MXD4: variants seen among roughly 807,000 people sequenced by gnomAD.
The protein encoded by MXD4 is MAX dimerization protein 4, also known as Mad4 homolog.
MXD4 carries 16 observed loss-of-function variants against 24.5 expected under a neutral mutation model. That is an observed-to-expected ratio of 0.65 (90% confidence interval 0.44 to 0.99). The LOEUF (loss-of-function observed/expected upper bound fraction) is 0.99. Ranked by LOEUF, MXD4 falls within the 50% of genes least tolerant of loss-of-function variation. The pLI, the probability that MXD4 is intolerant of heterozygous loss-of-function variation, is 0.00. For missense variants in MXD4, 301 were observed against 301.5 expected (o/e 1.00, Z 0.01); for synonymous variants, 164 against 134.2 (o/e 1.22, Z -1.54).
At position 2,251,166 on chromosome 4, in the gene MXD4, C is replaced by T. The variant is rs1378168291; in HGVS notation, c.390G>A (p.Leu130=). Residue 130 remains leucine, a synonymous_variant, in exon 5 of 6, where the codon CTG becomes CTA. Coordinates refer to ENST00000337190, the MANE Select transcript of MXD4 (RefSeq NM_006454.3). The stretch of plus-strand genomic sequence containing the variant: ...CCACGCTCTGCACCGACAGCTGCTC[C>T]AGGCGCCGCTTCAGGAAACGATGCT... The part of the protein sequence containing the change: ...QQEHRFLKRR[L]EQLSVQSVER... 6.2e-7 allele frequency: 1 copy of T among 1,601,428 alleles called. No homozygotes were observed. The highest frequency in any genetic ancestry group is 8.5e-7 in the Non-Finnish European group (1 of 1,173,838).
At chr4:2,261,315 G>T (rs1445213150) in intron 2 of MXD4, among the ~76,000 whole-genome samples, 1 of 152,164 alleles carries the variant, frequency 6.6e-6, no homozygotes, top group Non-Finnish European at 1.5e-5. Context: ...GGAGAGAAGG[G>T]GTTAGGGCCG....
chr4:2,250,689 T>TC lies in MXD4; in HGVS notation c.484dup (p.Glu162GlyfsTer9). ...CTCACCAGGGCCAAACTCCATGCCCTCTATGTCCACTTCTAGGGAGAATAG... is the reference window on the plus strand; with the variant it reads ...CTCACCAGGGCCAAACTCCATGCCCTCCTATGTCCACTTCTAGGGAGAATAG... On this transcript the variant is annotated frameshift_variant, in exon 6 of 6. Coordinates refer to ENST00000337190, the MANE Select transcript of MXD4 (RefSeq NM_006454.3). LOFTEE classifies it high-confidence loss of function. 6.2e-7 allele frequency: 1 copy of TC among 1,613,574 alleles called. No homozygotes were observed. The highest frequency in any genetic ancestry group is 8.5e-7 in the Non-Finnish European group (1 of 1,179,880).
chr4:2,255,519 C>A (rs1368986309), intron 3 of MXD4, among the ~76,000 whole-genome samples: 1 of 152,102 alleles, frequency 6.6e-6, no homozygotes, highest in African/African-American at 2.4e-5. Context: ...TGGCTGGTTG[C>A]GGGACCCCAG....
At chr4:2,250,962 G>T in intron 5 of MXD4, 122 bp downstream of exon 5, 1 of 1,283,228 alleles carries the variant, frequency 7.8e-7, no homozygotes, top group Non-Finnish European at 1.0e-6. Context: ...ACACCCCAGT[G>T]CAGCAGGGAG....
In MXD4 at chr4:2,250,451, G is replaced by T; in HGVS notation, c.*93C>A. On this transcript the variant is annotated 3_prime_UTR_variant, in exon 6 of 6. Coordinates refer to ENST00000337190, the MANE Select transcript of MXD4 (RefSeq NM_006454.3). ...AGCTTCCAGAATGGCACAGCAGTGGGCCTGTGGAGAGGCTGGCGTCAACTG... is the reference window on the plus strand; with the variant it reads ...AGCTTCCAGAATGGCACAGCAGTGGTCCTGTGGAGAGGCTGGCGTCAACTG... 1 of 1,389,978 alleles carries T rather than the reference G, an allele frequency of 7.2e-7. No individual in the cohort carries two copies. The highest frequency in any genetic ancestry group is 9.6e-7 in the Non-Finnish European group (1 of 1,045,428). The allele number at this position is 1,389,978 out of a possible 1,614,324, so 86.1% of individuals were successfully genotyped here.
intron 3 of MXD4, among the ~76,000 whole-genome samples, chr4:2,257,282 A>G (rs1163112504): frequency 6.6e-6 from 1 of 152,204 alleles, no homozygotes; most frequent in Non-Finnish European, 1.5e-5. Flanking sequence ...TTTCACAGAC[A>G]GGATCACAAG....
chr4:2,258,849 G>A, intron 2 of MXD4: 2 of 453,708 alleles, frequency 4.4e-6, no homozygotes, highest in South Asian at 1.6e-5. Context: ...CCCGGGCTCA[G>A]CTTCTCTGGG....
In MXD4 at chr4:2,261,997, G is replaced by C; in HGVS notation, c.-17C>G. 7.8e-7 allele frequency: 1 copy of C among 1,283,458 alleles called. No homozygotes were observed. Among genetic ancestry groups the C allele is most frequent in the Non-Finnish European group, 9.9e-7 (1 of 1,007,876 alleles). 79.5% of individuals were successfully genotyped at this position (1,283,458 alleles called of 1,614,324 possible). A position where few individuals can be genotyped will look rare whatever the true frequency, so the allele number is the denominator to read the frequency against. On this transcript the variant is annotated 5_prime_UTR_variant, in exon 1 of 6. Transcript: ENST00000337190. ...CAGCTCCATCCTCCCGCCCGCGCCC[G>C]TCCGCCCCGGGACGGCGGCGGCCGC... is the stretch of plus-strand genomic sequence containing the variant.
intron 2 of MXD4, chr4:2,260,722 G>A (rs976665625): frequency 1.3e-5 from 5 of 394,664 alleles, no homozygotes; most frequent in Non-Finnish European, 2.6e-5. Flanking sequence ...ACAGAAATGG[G>A]TCCCTACACC....
rs781748931 is a variant in MXD4 at position 2,251,129 on chromosome 4, T to C, written c.427A>G (p.Thr143Ala). The C allele has an allele frequency of 1.2e-6, 2 of 1,600,548 alleles. No homozygotes were observed. Among genetic ancestry groups the C allele is most frequent in the East Asian group, 4.5e-5 (2 of 44,206 alleles). ...GAGACAGCAGAGCCCGTGCTATCTGTGCGCACGCGCTCCACGCTCTGCACC... is the reference window on the plus strand; with the variant it reads ...GAGACAGCAGAGCCCGTGCTATCTGCGCGCACGCGCTCCACGCTCTGCACC... ...LSVQSVERVRTDSTGSAVSTD... is the reference protein window; with the variant it reads ...LSVQSVERVRADSTGSAVSTD... The change falls in exon 5 of 6, where the codon ACA becomes GCA. Residue 143 changes from threonine to alanine, a missense_variant. Thr to Ala is a moderately conservative substitution (Grantham distance 58). Coordinates refer to ENST00000337190, the MANE Select transcript of MXD4 (RefSeq NM_006454.3).
rs972197804 is a variant in MXD4 at position 2,248,949 on chromosome 4, G to A, written c.*1595C>T. ...CCAGCGAGCACAGTCTTCATTGGCT[G>A]CCAGTGTCTGAAACCTGGAACCCTC... On this transcript the variant is annotated 3_prime_UTR_variant, in exon 6 of 6. Transcript: ENST00000337190. The A allele has an allele frequency of 7.2e-5, 11 of 152,348 alleles. No homozygotes were observed. Among genetic ancestry groups the A allele is most frequent in the Non-Finnish European group, 1.0e-4 (7 of 68,124 alleles). The allele number at this position is 152,348 out of a possible 1,614,324, so 9.4% of individuals were successfully genotyped here. A position where few individuals can be genotyped will look rare whatever the true frequency, so the allele number is the denominator to read the frequency against.
chr4:2,259,896 C>G (rs1242905680), intron 2 of MXD4, among the ~76,000 whole-genome samples: 1 of 152,210 alleles, frequency 6.6e-6, no homozygotes, highest in African/African-American at 2.4e-5. Flanking sequence ...CTCCCTCAAC[C>G]CTGACACTGT....
rs377193160 is a variant in MXD4 at position 2,250,628 on chromosome 4, G to C, written c.546C>G (p.Asp182Glu). 1 of 1,613,348 alleles carries C rather than the reference G, an allele frequency of 6.2e-7. No homozygotes were observed. Among genetic ancestry groups the C allele is most frequent in the Non-Finnish European group, 8.5e-7 (1 of 1,179,960 alleles). Residue 182 changes from aspartate to glutamate, a missense_variant, in exon 6 of 6, where the codon GAC becomes GAG. Coordinates refer to ENST00000337190, the MANE Select transcript of MXD4 (RefSeq NM_006454.3). ...DSVGSSSDAD[D>E]HYSLQSGTGG... ...CGGTGCCACTCTGCAGGCTGTAGTG[G>C]TCGTCCGCGTCACTGCTGCTGCCAA...
At chr4:2,252,861 T>TG (rs1167375468) in intron 3 of MXD4, 26 of 257,770 alleles carry the variant, frequency 1.0e-4, no homozygotes, top group Admixed American at 3.1e-4. Flanking sequence ...CAGGGAGGGG[T>TG]GGGGTGAGGC....
intron 2 of MXD4, chr4:2,260,559 C>T (rs542148123): frequency 3.3e-5 from 15 of 455,672 alleles, no homozygotes; most frequent in Non-Finnish European, 2.2e-5. Context: ...GCCGGGCTTG[C>T]TCACTGAGGA....
Position 2,251,171 on chromosome 4 carries a change from G to T in MXD4, c.385C>A (p.Arg129Ser). The change falls in exon 5 of 6, where the codon CGC becomes AGC. Residue 129 changes from arginine to serine, a missense_variant. Transcript: ENST00000337190. ...CTCTGCACCGACAGCTGCTCCAGGC[G>T]CCGCTTCAGGAAACGATGCTCCTGC... ...LQQEHRFLKR[R>S]LEQLSVQSVE... is the part of the protein sequence containing the mutation. 6.2e-7 allele frequency: 1 copy of T among 1,601,976 alleles called. No individual in the cohort carries two copies. The highest frequency in any genetic ancestry group is 8.5e-7 in the Non-Finnish European group (1 of 1,174,166).
chr4:2,252,263 A>T (rs1735338278), intron 4 of MXD4, 145 bp downstream of exon 4: 1 of 669,618 alleles, frequency 1.5e-6, no homozygotes, highest in Non-Finnish European at 2.6e-6. Flanking sequence ...CAGGCCCCCG[A>T]CACACACCCG....
chr4:2,255,984 AG>A (rs1238339674), intron 3 of MXD4, among the ~76,000 whole-genome samples: 1 of 152,006 alleles, frequency 6.6e-6, no homozygotes, highest in Non-Finnish European at 1.5e-5. Flanking sequence ...GAACTTCCCG[AG>A]GTATGTGAAA....
At chr4:2,251,845 T>TA (rs922659415) in intron 4 of MXD4, among the ~76,000 whole-genome samples, 1 of 152,142 alleles carries the variant, frequency 6.6e-6, no homozygotes, top group Non-Finnish European at 1.5e-5. Context: ...TCAGAGCAGA[T>TA]AGAGATTTGC....
Sources: allele counts gnomAD v4.1 joint callset (sites outside exome capture counted in the v4.1 genomes callset), GRCh38; gene constraint gnomAD v4.1.1; transcripts MANE v1.5; gene names NCBI Gene and HGNC (gene_info 2026-07-23, HGNC 2026-07-21).